The following SPON1 variants were observed in gnomAD, a reference collection of about 807,000 sequenced individuals.
SPON1 encodes spondin-1.
SPON1 carries 52 observed loss-of-function variants against 111.7 expected under a neutral mutation model. The observed-to-expected ratio is 0.47, with a 90% CI of 0.37 to 0.59. The LOEUF (loss-of-function observed/expected upper bound fraction) is 0.59. Ranked by LOEUF, SPON1 falls within the 20% of genes least tolerant of loss-of-function variation. The pLI, the probability that SPON1 is intolerant of heterozygous loss-of-function variation, is 0.00. For synonymous variants in SPON1, 410 were observed against 395.8 expected (o/e 1.04, Z -0.43); for missense variants, 957 against 1,068.5 (o/e 0.90, Z 1.46).
chr11:14,066,730 C>T (rs1848835381), intron 3 of SPON1, among the ~76,000 whole-genome samples: 1 of 152,210 alleles, frequency 6.6e-6, no homozygotes, highest in Non-Finnish European at 1.5e-5. Flanking sequence ...ACAGCCACAT[C>T]TCTGGGATGT....
At chr11:14,133,113 A>G (rs1454392666) in intron 5 of SPON1, among the ~76,000 whole-genome samples, 2 of 152,220 alleles carry the variant, frequency 1.3e-5, no homozygotes, top group Admixed American at 6.5e-5. Flanking sequence ...TTTTAACAGC[A>G]CATAGGATAC....
intron 6 of SPON1, among the ~76,000 whole-genome samples, chr11:14,183,563 T>C (rs1554933862): frequency 1.3e-5 from 2 of 152,186 alleles, no homozygotes; most frequent in Non-Finnish European, 2.9e-5. Flanking sequence ...TCTCAGCATG[T>C]TAGAGTTGGA....
In SPON1 at chr11:14,252,396, T is replaced by C. The variant is rs556851902; in HGVS notation, c.891-2132T>C. 3.3e-5 allele frequency among the ~76,000 whole-genome samples: 5 copies of C among 150,728 alleles called. 1 individual carries two copies. The South Asian group carries it at 8.4e-4, about 25-fold the overall frequency. ...CGCAGAGTGTGGGAATCCAGCGCTA[T>C]GTATCTGCCTCAGCCGAAGGCAAGA... On this transcript the variant is annotated intron_variant, in intron 7 of 15. Coordinates refer to ENST00000576479, the MANE Select transcript of SPON1 (RefSeq NM_006108.4).
chr11:14,146,669 T>A (rs1245250967), intron 6 of SPON1, among the ~76,000 whole-genome samples: 1 of 152,010 alleles, frequency 6.6e-6, no homozygotes, highest in Non-Finnish European at 1.5e-5. Context: ...AAAAAGCATA[T>A]AATGAAGGGA....
intron 5 of SPON1, among the ~76,000 whole-genome samples, chr11:14,091,801 T>C (rs1264750707): frequency 6.6e-6 from 1 of 152,160 alleles, no homozygotes. Flanking sequence ...GCTGAAGGGC[T>C]CCTCAAATGC....
intron 6 of SPON1, among the ~76,000 whole-genome samples, chr11:14,229,653 C>T (rs974366423): frequency 1.3e-5 from 2 of 152,110 alleles, no homozygotes; most frequent in African/African-American, 2.4e-5. Context: ...TGCCCTGTGA[C>T]GGGAGCCCAG....
chr11:14,018,247 AC>A (rs1848457076), intron 2 of SPON1, among the ~76,000 whole-genome samples: 1 of 152,290 alleles, frequency 6.6e-6, no homozygotes, highest in Non-Finnish European at 1.5e-5. Context: ...AATGAGCTTC[AC>A]CTCTCAACTC....
intron 5 of SPON1, among the ~76,000 whole-genome samples, chr11:14,114,855 C>A (rs1554925832): frequency 6.6e-6 from 1 of 152,194 alleles, no homozygotes; most frequent in Non-Finnish European, 1.5e-5. Context: ...TCTGAATCCC[C>A]AGGACCATAT....
chr11:14,078,284 C>T (rs934614637), intron 4 of SPON1, among the ~76,000 whole-genome samples: 1 of 152,132 alleles, frequency 6.6e-6, no homozygotes, highest in South Asian at 2.1e-4. Flanking sequence ...TCAGAAATAT[C>T]GTTAAGTTTA....
intron 3 of SPON1, among the ~76,000 whole-genome samples, chr11:14,070,573 C>A (rs1554920803): frequency 6.6e-6 from 1 of 152,162 alleles, no homozygotes; most frequent in Admixed American, 6.5e-5. Context: ...TGCAACACAC[C>A]ACAGTAGGAA....
At position 14,254,654 on chromosome 11, in the gene SPON1, A is replaced by G. The variant is rs782354433; in HGVS notation, c.1017A>G (p.Glu339=). ...GLSAEDLCTK[E]CGWVQKVVQD... ...CTGCAGAAGATCTGTGCACCAAGGA[A>G]TGTGGCTGGGTCCAGAAGGTGGTGC... is the stretch of plus-strand genomic sequence containing the variant. The change falls in exon 8 of 16, where the codon GAA becomes GAG. Residue 339 remains glutamate (E), a synonymous_variant. Transcript: ENST00000576479. The G allele has an allele frequency of 6.8e-6, 11 of 1,613,926 alleles. No individual in the cohort carries two copies. Among genetic ancestry groups the G allele is most frequent in the Non-Finnish European group, 9.3e-6 (11 of 1,179,906 alleles).
intron 3 of SPON1, among the ~76,000 whole-genome samples, chr11:14,074,237 A>ATC (rs1430541028): frequency 2.6e-5 from 4 of 152,240 alleles, no homozygotes; most frequent in Admixed American, 2.6e-4. Context: ...TGTAAAAGAC[A>ATC]TCTGTAGGAT....
intron 6 of SPON1, among the ~76,000 whole-genome samples, chr11:14,224,198 G>A (rs1554937883): frequency 6.6e-6 from 1 of 152,146 alleles, no homozygotes; most frequent in Non-Finnish European, 1.5e-5. Flanking sequence ...TCCTCCCCTT[G>A]AAGCACGGAG....
At chr11:14,212,615 G>C (rs925093075) in intron 6 of SPON1, among the ~76,000 whole-genome samples, 2 of 152,154 alleles carry the variant, frequency 1.3e-5, no homozygotes, top group African/African-American at 2.4e-5. Context: ...ATATTACTTA[G>C]AGTATAGGAT....
At chr11:14,226,621 A>C (rs537452497) in intron 6 of SPON1, among the ~76,000 whole-genome samples, 1 of 152,290 alleles carries the variant, frequency 6.6e-6, no homozygotes, top group South Asian at 2.1e-4. Flanking sequence ...AAGCCAAACT[A>C]TCTTAAGTCA....
At chr11:14,091,170 G>A (rs1028028331) in intron 5 of SPON1, among the ~76,000 whole-genome samples, 1 of 152,076 alleles carries the variant, frequency 6.6e-6, no homozygotes, top group Admixed American at 6.5e-5. Flanking sequence ...AACCTTGAGC[G>A]AGACACAGGG....
chr11:13,988,034 G>A (rs570309170), intron 2 of SPON1, among the ~76,000 whole-genome samples: 19 of 152,214 alleles, frequency 1.2e-4, no homozygotes, highest in East Asian at 3.9e-4. Context: ...TGGCTATTGC[G>A]GGCTCTTTTT....
chr11:14,085,255 T>C (rs10766137), intron 5 of SPON1, among the ~76,000 whole-genome samples: 100,337 of 152,038 alleles, frequency 0.66, 34,844 homozygotes, highest in East Asian at 0.85. Flanking sequence ...CTAGATTTTC[T>C]TCTAGGGTTT....
chr11:14,063,304 T>A (rs1347922296), intron 3 of SPON1, among the ~76,000 whole-genome samples: 1 of 152,102 alleles, frequency 6.6e-6, no homozygotes, highest in South Asian at 2.1e-4. Context: ...ATAAAAAAAA[T>A]TCATCATTTA....
Sources: allele counts gnomAD v4.1 joint callset (sites outside exome capture counted in the v4.1 genomes callset), GRCh38; gene constraint gnomAD v4.1.1; transcripts MANE v1.5; gene names NCBI Gene and HGNC (gene_info 2026-07-23, HGNC 2026-07-21).